Variants in ROCK2 observed in about 807,000 individuals in gnomAD.
ROCK2 encodes Rho associated coiled-coil containing protein kinase 2.
In ROCK2, 61 loss-of-function variants were observed where a neutral mutation model predicts 195.1. The observed-to-expected ratio is 0.31, with a 90% CI of 0.25 to 0.39. The LOEUF is 0.39. Among genes scored for constraint, ROCK2 ranks in the 10% least tolerant of loss-of-function variants. The pLI, the probability that ROCK2 is intolerant of heterozygous loss-of-function variation, is 1.00. For missense variants in ROCK2, 1,109 were observed against 1,637.4 expected, an observed-to-expected ratio of 0.68 and a Z score of 5.57; for synonymous variants, 504 against 545.5, an observed-to-expected ratio of 0.92 and a Z score of 1.06.
intron 3 of ROCK2, among the ~76,000 whole-genome samples, chr2:11,284,745 G>A (rs1278750603): frequency 2.6e-5 from 4 of 152,084 alleles, no homozygotes; most frequent in Non-Finnish European, 4.4e-5. Context: ...AAGGAAAATG[G>A]TTCTTTAATT....
At chr2:11,200,155 A>G (rs1663800725) in intron 23 of ROCK2, among the ~76,000 whole-genome samples, 1 of 152,196 alleles carries the variant, frequency 6.6e-6, no homozygotes, top group East Asian at 1.9e-4. Context: ...CTTTAATCTT[A>G]TCTTACTGAA....
intron 1 of ROCK2, among the ~76,000 whole-genome samples, chr2:11,310,508 T>C (rs1667999043): frequency 6.6e-6 from 1 of 152,122 alleles, no homozygotes; most frequent in Admixed American, 6.6e-5. Flanking sequence ...CGTAGATAAA[T>C]TCCGAATATG....
chr2:11,317,599 TATATATA>T (rs1482358198), intron 1 of ROCK2, among the ~76,000 whole-genome samples: 23 of 17,374 alleles, frequency 1.3e-3, no homozygotes, highest in East Asian at 7.9e-3. Flanking sequence ...TATATATATA[TATATATA>T]TATATATTTT....
intron 1 of ROCK2, among the ~76,000 whole-genome samples, chr2:11,298,620 C>T (rs779658938): frequency 5.3e-5 from 8 of 152,148 alleles, no homozygotes; most frequent in Non-Finnish European, 1.0e-4. Flanking sequence ...AACTCATCCT[C>T]AAGTCTGCTA....
chr2:11,330,798 GGAGGAGAGAGGAGGAA>G, intron 1 of ROCK2, among the ~76,000 whole-genome samples: 1 of 50,616 alleles, frequency 2.0e-5, no homozygotes, highest in African/African-American at 7.5e-5. Context: ...GAGAGAGGAG[GGAGGAGAGAGGAGGAA>G]GGGGAGGAGG....
At chr2:11,228,104 T>C (rs1439946233) in intron 5 of ROCK2, among the ~76,000 whole-genome samples, 1 of 152,212 alleles carries the variant, frequency 6.6e-6, no homozygotes, top group African/African-American at 2.4e-5. Context: ...GGTGTGTGTG[T>C]CTGCATGCTG....
Position 11,259,808 on chromosome 2 carries a change from T to A in ROCK2, c.325-10010A>T, listed in dbSNP as rs28474997. Among the ~76,000 whole-genome samples the A allele has an allele frequency of 1.5e-3, 225 of 151,546 alleles. 10 individuals are homozygous for A. Among genetic ancestry groups the A allele is most frequent in the African/African-American group, 5.2e-3 (214 of 40,818 alleles). The stretch of plus-strand genomic sequence containing the variant: ...AGGATTGATATACAGTAACTGTATA[T>A]AACAAGAATCCTAAATGCAAAGAGC... On this transcript the variant is annotated intron_variant, in intron 3 of 32. Coordinates refer to ENST00000315872, the MANE Select transcript of ROCK2 (RefSeq NM_004850.5).
intron 1 of ROCK2, among the ~76,000 whole-genome samples, chr2:11,343,730 G>A (rs77774091): frequency 0.011 from 1,706 of 152,264 alleles, 25 homozygotes; most frequent in East Asian, 0.052. Flanking sequence ...GGAGAAGAGG[G>A]GTGTTTTCCT....
chr2:11,271,528 A>C (rs930217664), intron 3 of ROCK2, among the ~76,000 whole-genome samples: 3 of 151,996 alleles, frequency 2.0e-5, no homozygotes, highest in African/African-American at 4.8e-5. Context: ...TGGTGTCCTC[A>C]CCTGTCTTTT....
chr2:11,261,594 G>A (rs1042856512), intron 3 of ROCK2, among the ~76,000 whole-genome samples: 5 of 152,272 alleles, frequency 3.3e-5, no homozygotes, highest in East Asian at 1.9e-4. Context: ...TGAGGCGGGT[G>A]GATCATGAGG....
At chr2:11,217,323 T>C (rs757032115) in intron 11 of ROCK2, 154 bp from the exon 12 acceptor site, 8 of 724,736 alleles carry the variant, frequency 1.1e-5, no homozygotes, top group East Asian at 5.3e-5. Flanking sequence ...GTGACTTATA[T>C]TGATAAAAGG....
At chr2:11,272,109 T>C (rs1666656338) in intron 3 of ROCK2, among the ~76,000 whole-genome samples, 2 of 152,138 alleles carry the variant, frequency 1.3e-5, no homozygotes, top group South Asian at 4.1e-4. Context: ...GCTTTGTTAT[T>C]GTTTGACTGG....
At chr2:11,270,823 T>TAA (rs150915969) in intron 3 of ROCK2, among the ~76,000 whole-genome samples, 6,474 of 152,346 alleles carry the variant, frequency 0.042, 278 homozygotes, top group Non-Finnish European at 0.06. Context: ...TTAGTGTTCC[T>TAA]ACCATGTTTG....
At chr2:11,312,374 C>T (rs1668063547) in intron 1 of ROCK2, among the ~76,000 whole-genome samples, 1 of 152,100 alleles carries the variant, frequency 6.6e-6, no homozygotes, top group Non-Finnish European at 1.5e-5. Context: ...ACCACAGTCA[C>T]TATAATGAAC....
intron 5 of ROCK2, among the ~76,000 whole-genome samples, chr2:11,231,929 A>C (rs1432691124): frequency 6.6e-6 from 1 of 152,190 alleles, no homozygotes; most frequent in Admixed American, 6.5e-5. Flanking sequence ...TTATAGATAA[A>C]GTATTGGCTA....
chr2:11,326,217 G>A lies in ROCK2; in HGVS notation c.141+17779C>T, dbSNP rs922098075. Reference sequence around the variant, plus strand: ...CCTGGAAAAGATACAAAACCAAGATGGCAAATGCATTTAAAAAAAAAAAAG... The same window carrying A: ...CCTGGAAAAGATACAAAACCAAGATAGCAAATGCATTTAAAAAAAAAAAAG... On this transcript the variant is annotated intron_variant, in intron 1 of 32. Transcript: ENST00000315872. 4.5e-5 allele frequency among the ~76,000 whole-genome samples: 6 copies of A among 132,550 alleles called. No individual in the cohort carries two copies. The Admixed American group carries it at 5.2e-4, about 12-fold the overall frequency. The allele number at this position is 132,550 out of a possible 152,430, so 87.0% of individuals were successfully genotyped here. A position where few individuals can be genotyped will look rare whatever the true frequency, so the allele number is the denominator to read the frequency against.
At chr2:11,249,371 G>A (rs1665746512) in intron 4 of ROCK2, among the ~76,000 whole-genome samples, 1 of 152,192 alleles carries the variant, frequency 6.6e-6, no homozygotes, top group South Asian at 2.1e-4. Flanking sequence ...ACAAGAATAA[G>A]TGGGTATGAA....
intron 4 of ROCK2, among the ~76,000 whole-genome samples, chr2:11,243,087 G>C (rs959934311): frequency 1.3e-5 from 2 of 152,090 alleles, no homozygotes; most frequent in Non-Finnish European, 2.9e-5. Flanking sequence ...GCAGCCTAGT[G>C]GGGGATATAA....
intron 11 of ROCK2, chr2:11,217,430 T>C (rs1664472785): frequency 2.0e-6 from 1 of 507,898 alleles, no homozygotes; most frequent in South Asian, 1.7e-5. Flanking sequence ...TTTGGCAGAA[T>C]TGTTCTATGA....
Sources: gnomAD v4.1 joint callset for allele counts (sites outside exome capture counted in the v4.1 genomes callset) on GRCh38, gnomAD v4.1.1 for gene constraint, MANE v1.5 for transcripts, NCBI Gene and HGNC (gene_info 2026-07-23, HGNC 2026-07-21) for gene names.